KALRN: variants seen among roughly 807,000 people sequenced by gnomAD.
KALRN encodes kalirin.
In KALRN, 70 loss-of-function variants were observed where a neutral mutation model predicts 353.7. The ratio of observed to expected loss-of-function variants is 0.20; its 90% CI spans 0.16 to 0.24. The LOEUF is 0.24. KALRN is among the 10% of genes least tolerant of loss of function. The probability of loss-of-function intolerance (pLI) is 1.00; values close to 1 mark genes in which losing one functional copy is unlikely to be tolerated. For synonymous variants in KALRN, 1,391 were observed against 1,434.8 expected (o/e 0.97, Z 0.69); for missense variants, 2,791 against 3,756.7 (o/e 0.74, Z 6.72).
intron 1 of KALRN, among the ~76,000 whole-genome samples, chr3:124,220,221 G>A (rs574100937): frequency 1.3e-5 from 2 of 152,168 alleles, no homozygotes; most frequent in Non-Finnish European, 2.9e-5. Flanking sequence ...GGTATTACAG[G>A]TGTGAGCTAC....
chr3:124,157,913 G>C (rs2069255745), intron 1 of KALRN, among the ~76,000 whole-genome samples: 1 of 152,164 alleles, frequency 6.6e-6, no homozygotes. Flanking sequence ...GTTGCTCCAG[G>C]TGCAGTGGCT....
intron 1 of KALRN, among the ~76,000 whole-genome samples, chr3:124,224,842 A>G (rs1039931397): frequency 6.6e-6 from 1 of 152,204 alleles, no homozygotes; most frequent in Admixed American, 6.5e-5. Context: ...AGGTTTAGAA[A>G]GTCTCAGAGT....
intron 1 of KALRN, among the ~76,000 whole-genome samples, chr3:124,059,264 A>C (rs2041816971): frequency 6.6e-6 from 1 of 152,224 alleles, no homozygotes; most frequent in Admixed American, 6.5e-5. Context: ...ATGCATATAA[A>C]TGAAAAGTAT....
At chr3:124,297,609 G>A (rs533725230) in intron 5 of KALRN, among the ~76,000 whole-genome samples, 1 of 152,314 alleles carries the variant, frequency 6.6e-6, no homozygotes, top group Admixed American at 6.5e-5. Context: ...AAACTGTAAG[G>A]GACATGTGAT....
intron 1 of KALRN, among the ~76,000 whole-genome samples, chr3:124,049,947 A>T (rs2040868679): frequency 6.6e-6 from 1 of 152,092 alleles, no homozygotes; most frequent in Non-Finnish European, 1.5e-5. Context: ...TTTCTGGATT[A>T]ATCTCTTTTG....
chr3:124,520,811 C>T (rs914008634), intron 33 of KALRN, among the ~76,000 whole-genome samples: 1 of 152,226 alleles, frequency 6.6e-6, no homozygotes, highest in Non-Finnish European at 1.5e-5. Flanking sequence ...ACCAGGAAGA[C>T]ACTTGATATC....
chr3:124,462,027 T>C (rs756985321), intron 24 of KALRN, 71 bp downstream of exon 24: 15 of 1,138,714 alleles, frequency 1.3e-5, no homozygotes, highest in African/African-American at 3.1e-5. Context: ...AAGTCCTCAA[T>C]TGGAATTTGG....
intron 3 of KALRN, among the ~76,000 whole-genome samples, chr3:124,254,704 C>CA (rs1169586375): frequency 6.6e-6 from 1 of 151,922 alleles, no homozygotes; most frequent in East Asian, 1.9e-4. Context: ...TCATTTTTAC[C>CA]AAAAAAAGTT....
At chr3:124,599,923 G>A (rs1332242380) in intron 34 of KALRN, among the ~76,000 whole-genome samples, 2 of 152,174 alleles carry the variant, frequency 1.3e-5, no homozygotes, top group East Asian at 1.9e-4. Context: ...GTGTCTATGG[G>A]TTCCACACAC....
At position 124,719,177 on chromosome 3, in the gene KALRN, A is replaced by G; in HGVS notation, c.8668A>G (p.Ile2890Val). 2 of 1,614,282 alleles carry G rather than the reference A, an allele frequency of 1.2e-6. No homozygotes were observed. Among genetic ancestry groups the G allele is most frequent in the Non-Finnish European group, 8.5e-7 (1 of 1,180,052 alleles). ...GGATGAGAGCAAAGAGGAGACATGT[A>G]TCAACGTATGCAGGGTGGATTTCAG... ...FLDESKEETCINVCRVDFSFP... is the reference protein window; with the variant it reads ...FLDESKEETCVNVCRVDFSFP... The change falls in exon 60 of 60, where the codon ATC becomes GTC. Residue 2890 changes from isoleucine to valine, a missense_variant. Physicochemically the swap from Ile to Val is conservative, Grantham distance 29. Transcript: ENST00000682506. The surrounding 1 kb of genome is among the most constrained non-coding windows in gnomAD (Gnocchi z 5.3).
Position 124,720,997 on chromosome 3 carries a change from A to G in KALRN, c.*1527A>G, listed in dbSNP as rs1473477589. 1 of 152,224 alleles carries G rather than the reference A, an allele frequency of 6.6e-6. No individual in the cohort carries two copies. Among genetic ancestry groups the G allele is most frequent in the Non-Finnish European group, 1.5e-5 (1 of 68,030 alleles). The allele number at this position is 152,224 out of a possible 1,614,324, so 9.4% of individuals were successfully genotyped here. A position where few individuals can be genotyped will look rare whatever the true frequency, so the allele number is the denominator to read the frequency against. ...GGTTTAATGGTGTTGCTTCTCTCCT[A>G]TAATGGGATAGAGAAAATTAAAATC... On this transcript the variant is annotated 3_prime_UTR_variant, in exon 60 of 60. Transcript: ENST00000682506.
Position 124,488,326 on chromosome 3 carries a change from T to C in KALRN, c.4396+11T>C, listed in dbSNP as rs760548863. On this transcript the variant is annotated intron_variant, in intron 29 of 59. Coordinates refer to ENST00000682506, the MANE Select transcript of KALRN (RefSeq NM_001388419.1). Reference sequence around the variant, plus strand: ...TCAGCATGCTGGAAGGTAGCTGTCCTCCCAGCACTGGGGAAGCCTCCTCTC... The same window carrying C: ...TCAGCATGCTGGAAGGTAGCTGTCCCCCCAGCACTGGGGAAGCCTCCTCTC... 8 of 1,559,292 alleles carry C rather than the reference T, an allele frequency of 5.1e-6. No individual in the cohort carries two copies. Among genetic ancestry groups the C allele is most frequent in the Non-Finnish European group, 7.1e-6 (8 of 1,130,288 alleles).
chr3:124,441,813 G>A, intron 18 of KALRN, 132 bp from the exon 19 acceptor site: 1 of 533,216 alleles, frequency 1.9e-6, no homozygotes, highest in Non-Finnish European at 3.3e-6. Flanking sequence ...GCAACAGAGT[G>A]AGACTCTGTC....
intron 51 of KALRN, among the ~76,000 whole-genome samples, chr3:124,690,787 TC>T (rs2061772411): frequency 6.6e-6 from 1 of 152,212 alleles, no homozygotes; most frequent in African/African-American, 2.4e-5. Flanking sequence ...TATGCGAACT[TC>T]AAGTAATCCG....
intron 37 of KALRN, among the ~76,000 whole-genome samples, chr3:124,638,673 G>C (rs1036237783): frequency 1.3e-5 from 2 of 151,834 alleles, no homozygotes; most frequent in Non-Finnish European, 2.9e-5. Flanking sequence ...CCTTTTCTCT[G>C]CTAAGTCTGC....
chr3:124,664,506 G>A (rs1046487747), intron 45 of KALRN, among the ~76,000 whole-genome samples: 6 of 151,940 alleles, frequency 3.9e-5, no homozygotes, highest in African/African-American at 1.4e-4. Flanking sequence ...CGCCTCCTGG[G>A]TTCAGGCGAT....
At chr3:124,448,537 T>C (rs1284258769) in intron 21 of KALRN, among the ~76,000 whole-genome samples, 1 of 152,212 alleles carries the variant, frequency 6.6e-6, no homozygotes, top group Non-Finnish European at 1.5e-5. Flanking sequence ...TATTCTTTTT[T>C]GTCTATGTGC....
chr3:124,336,809 A>C lies in KALRN; in HGVS notation c.1647+2314A>C, dbSNP rs147284162. Among the ~76,000 whole-genome samples, 553 of 151,932 alleles carry C rather than the reference A, an allele frequency of 3.6e-3. 4 individuals are homozygous for C. Among genetic ancestry groups the C allele is most frequent in the African/African-American group, 0.013 (524 of 41,406 alleles). ...TTTTTCCATTTATTTGTGTCCTTTT[A>C]TTTCCTTCTGCAGTGGTTTGTAGTT... On this transcript the variant is annotated intron_variant, in intron 9 of 59. Coordinates refer to ENST00000682506, the MANE Select transcript of KALRN (RefSeq NM_001388419.1).
At chr3:124,384,702 T>C (rs2087931211) in intron 10 of KALRN, 143 bp from the exon 11 acceptor site, 1 of 733,730 alleles carries the variant, frequency 1.4e-6, no homozygotes, top group East Asian at 2.9e-5. Flanking sequence ...GCGTGCCAGC[T>C]CCGCGCACCG....
Sources: allele counts gnomAD v4.1 joint callset (sites outside exome capture counted in the v4.1 genomes callset), GRCh38; gene constraint gnomAD v4.1.1; non-coding constraint Gnocchi (gnomAD v3.1); transcripts MANE v1.5; gene names NCBI Gene and HGNC (gene_info 2026-07-23, HGNC 2026-07-21).